PAQR5: variants seen among roughly 807,000 people sequenced by gnomAD.
The protein encoded by PAQR5 is membrane progestin receptor gamma.
Under a neutral mutation model 34.5 loss-of-function variants are expected in PAQR5, and 20 were observed. The ratio of observed to expected loss-of-function variants is 0.58; its 90% CI spans 0.41 to 0.84. The LOEUF is 0.84. PAQR5 is among the 40% of genes least tolerant of loss of function. PAQR5 has a pLI of 0.00. For synonymous variants in PAQR5, 131 were observed against 155.6 expected, an observed-to-expected ratio of 0.84 and a Z score of 1.18; for missense variants, 378 against 412.7, an observed-to-expected ratio of 0.92 and a Z score of 0.73.
chr15:69,399,952 A>T (rs1225156964), intron 7 of PAQR5, 22 bp from the exon 8 acceptor site: 1 of 1,609,202 alleles, frequency 6.2e-7, no homozygotes, highest in Admixed American at 1.7e-5. Flanking sequence ...TCAAGACCTG[A>T]TGTTTCTTTA....
rs2056011934 is a variant in PAQR5, at chr15:69,383,858, TGGTGGAGGGTGAGTGGG to T, written c.180-818_180-802del. Among the ~76,000 whole-genome samples the T allele has an allele frequency of 4.9e-3, 5 of 1,014 alleles. 1 individual carries two copies. The highest frequency in any genetic ancestry group is 0.026 in the African/African-American group (5 of 190). 0.7% of individuals were successfully genotyped at this position (1,014 alleles called of 152,430 possible). ...GAGGGTGAGTGGGCCTTTGTGTTCA[TGGTGGAGGGTGAGTGGG>T]CCTTTGTGTTCATGGTGGAGGGTGA... is the stretch of plus-strand genomic sequence containing the variant. On this transcript the variant is annotated intron_variant, in intron 4 of 8. Coordinates refer to ENST00000395407, the MANE Select transcript of PAQR5 (RefSeq NM_017705.4).
intron 1 of PAQR5, among the ~76,000 whole-genome samples, chr15:69,322,905 A>G (rs1433755803): frequency 1.3e-5 from 2 of 149,578 alleles, no homozygotes; most frequent in Non-Finnish European, 2.9e-5. Context: ...TCCAGTGCAA[A>G]TAACGAGCAC....
At chr15:69,402,470 A>C (rs1424484636) in intron 8 of PAQR5, among the ~76,000 whole-genome samples, 2 of 151,962 alleles carry the variant, frequency 1.3e-5, no homozygotes, top group Non-Finnish European at 2.9e-5. Context: ...GGCACGTGTC[A>C]CCATGCCCGG....
intron 5 of PAQR5, 90 bp downstream of exon 5, chr15:69,384,972 T>G (rs954845513): frequency 2.1e-6 from 2 of 950,486 alleles, no homozygotes; most frequent in Non-Finnish European, 3.3e-6. Context: ...AAGGCTTTGA[T>G]GAGTTTGCAG....
intron 2 of PAQR5, among the ~76,000 whole-genome samples, chr15:69,352,322 G>A (rs576965926): frequency 1.8e-4 from 27 of 152,280 alleles, no homozygotes; most frequent in African/African-American, 6.0e-4. Flanking sequence ...CCTGAGCTGC[G>A]TATCATGAAC....
At chr15:69,314,126 T>C (rs2053889083) in intron 1 of PAQR5, among the ~76,000 whole-genome samples, 1 of 152,084 alleles carries the variant, frequency 6.6e-6, no homozygotes, top group African/African-American at 2.4e-5. Context: ...AAATAGAGGA[T>C]GCCAATTGTT....
intron 2 of PAQR5, among the ~76,000 whole-genome samples, chr15:69,340,786 A>G (rs1382667198): frequency 1.3e-5 from 2 of 152,116 alleles, no homozygotes; most frequent in Middle Eastern, 3.2e-3. Context: ...GTCATTTCCT[A>G]TCTGAGGTTC....
chr15:69,379,049 C>A (rs2055803776), intron 3 of PAQR5, among the ~76,000 whole-genome samples: 1 of 152,214 alleles, frequency 6.6e-6, no homozygotes, highest in East Asian at 1.9e-4. Flanking sequence ...TTTCTATGTT[C>A]CTCCCAGCCT....
chr15:69,389,844 C>T, intron 6 of PAQR5, 64 bp downstream of exon 6: 1 of 1,564,742 alleles, frequency 6.4e-7, no homozygotes, highest in South Asian at 1.1e-5. Flanking sequence ...TCCCTGCACT[C>T]TTTGAGGGAG....
At chr15:69,337,180 A>G (rs2054532623) in intron 1 of PAQR5, among the ~76,000 whole-genome samples, 161 bp from the exon 2 acceptor site, 1 of 152,248 alleles carries the variant, frequency 6.6e-6, no homozygotes, top group Non-Finnish European at 1.5e-5. Flanking sequence ...TGCAAGCTTT[A>G]ACAAGTGAGT....
At chr15:69,390,426 T>G (rs1031235913) in intron 6 of PAQR5, among the ~76,000 whole-genome samples, 4 of 151,642 alleles carry the variant, frequency 2.6e-5, no homozygotes, top group Middle Eastern at 3.4e-3. Flanking sequence ...CTCAGCTCAC[T>G]GTAGCCTCGC....
intron 3 of PAQR5, among the ~76,000 whole-genome samples, chr15:69,366,641 A>T (rs190145166): frequency 6.6e-6 from 1 of 152,210 alleles, no homozygotes; most frequent in Non-Finnish European, 1.5e-5. Context: ...ATTTTCATAC[A>T]TCTTCTAAGT....
chr15:69,381,314 A>T (rs917273923), intron 4 of PAQR5, among the ~76,000 whole-genome samples: 1 of 152,178 alleles, frequency 6.6e-6, no homozygotes, highest in African/African-American at 2.4e-5. Flanking sequence ...TGCTGTGAGC[A>T]TCCACAGCAT....
Position 69,397,552 on chromosome 15 carries a change from C to T in PAQR5, c.597C>T (p.Pro199=), listed in dbSNP as rs753793606. ...ATCCGTACACCTGGGACTCCCTCCCCATCTTCTACAGGGTAAGGACTGGCT... is the reference window on the plus strand; with the variant it reads ...ATCCGTACACCTGGGACTCCCTCCCTATCTTCTACAGGGTAAGGACTGGCT... ...FAYPYTWDSL[P]IFYRLFLFPG... is the part of the protein sequence containing the mutation. Residue 199 remains proline (P), a synonymous_variant, in exon 7 of 9, where the codon CCC becomes CCT. Transcript: ENST00000395407. 2.5e-6 allele frequency: 4 copies of T among 1,604,738 alleles called. No homozygotes were observed. The African/African-American group carries it at 5.3e-5, about 21-fold the overall frequency.
At chr15:69,320,205 G>C (rs1377614199) in intron 1 of PAQR5, among the ~76,000 whole-genome samples, 3 of 152,236 alleles carry the variant, frequency 2.0e-5, no homozygotes, top group African/African-American at 7.2e-5. Context: ...GGGTAGCATA[G>C]AGCCAGAACG....
chr15:69,315,043 A>G (rs914157069), intron 1 of PAQR5, among the ~76,000 whole-genome samples: 1 of 152,034 alleles, frequency 6.6e-6, no homozygotes, highest in Non-Finnish European at 1.5e-5. Context: ...GGTCGTCTCT[A>G]TTCTCTCAGC....
chr15:69,398,405 G>T (rs559658251), intron 7 of PAQR5, among the ~76,000 whole-genome samples: 74 of 152,274 alleles, frequency 4.9e-4, no homozygotes, highest in African/African-American at 1.7e-3. Flanking sequence ...AACTCTCTAA[G>T]CCTCAGATTA....
At chr15:69,369,532 C>G (rs962521165) in intron 3 of PAQR5, among the ~76,000 whole-genome samples, 11 of 149,832 alleles carry the variant, frequency 7.3e-5, no homozygotes, top group African/African-American at 2.2e-4. Flanking sequence ...CAAGATCCTG[C>G]CTCAAGTTAA....
chr15:69,361,024 G>A (rs190779562), intron 3 of PAQR5, among the ~76,000 whole-genome samples: 1 of 152,334 alleles, frequency 6.6e-6, no homozygotes, highest in Non-Finnish European at 1.5e-5. Context: ...ATGGCATGGG[G>A]GAAAACCGTA....
Sources: gnomAD v4.1 joint callset for allele counts (sites outside exome capture counted in the v4.1 genomes callset) on GRCh38, gnomAD v4.1.1 for gene constraint, MANE v1.5 for transcripts, NCBI Gene and HGNC (gene_info 2026-07-23, HGNC 2026-07-21) for gene names.